CADPS: variants seen among roughly 807,000 people sequenced by gnomAD.
CADPS encodes the protein calcium dependent secretion activator.
A neutral mutation model predicts 167.3 loss-of-function variants in CADPS; 57 were observed. That is an observed-to-expected ratio of 0.34 (90% CI 0.28 to 0.42). The LOEUF is 0.42. CADPS is among the 20% of genes least tolerant of loss of function. The pLI is 1.00. For missense variants in CADPS, 1,414 were observed against 1,738.1 expected (o/e 0.81, Z 3.32); for synonymous variants, 676 against 635.3 (o/e 1.06, Z -0.96).
chr3:62,756,460 A>T (rs961878559), intron 2 of CADPS, among the ~76,000 whole-genome samples: 2 of 152,178 alleles, frequency 1.3e-5, no homozygotes, highest in Non-Finnish European at 2.9e-5. Context: ...CTTTTCCATG[A>T]ACCCATTCAT....
chr3:62,720,474 G>A (rs910942652), intron 3 of CADPS, among the ~76,000 whole-genome samples: 1 of 151,954 alleles, frequency 6.6e-6, no homozygotes, highest in Admixed American at 6.6e-5. Context: ...TAGGACTACA[G>A]ACATGCATGT....
chr3:62,781,207 A>T (rs184665518), intron 1 of CADPS, among the ~76,000 whole-genome samples: 1 of 152,110 alleles, frequency 6.6e-6, no homozygotes, highest in African/African-American at 2.4e-5. Flanking sequence ...AGACTCCACA[A>T]TCTCTCTCAG....
In CADPS at chr3:62,438,868, A is replaced by AAAG. The variant is rs1050469050; in HGVS notation, c.3670-660_3670-658dup. 4 of 152,034 alleles carry AAAG rather than the reference A, an allele frequency of 2.6e-5. No homozygotes were observed. The highest frequency in any genetic ancestry group is 2.1e-4 in the South Asian group (1 of 4,816). The allele number at this position is 152,034 out of a possible 1,614,324, so 9.4% of individuals were successfully genotyped here. On this transcript the variant is annotated intron_variant, in intron 27 of 29. Coordinates refer to ENST00000383710, the MANE Select transcript of CADPS (RefSeq NM_003716.4). This position sits in a 1 kb window ranked among gnomAD's most constrained non-coding sequence, Gnocchi z 4.7. Reference sequence around the variant, plus strand: ...TGCAGCCTTAAAGTCCAAGGATTAAAAAGAAGAAGAAGAAGAGAAGAAACA... The same window carrying AAAG: ...TGCAGCCTTAAAGTCCAAGGATTAAAAAGAAGAAGAAGAAGAAGAGAAGAAACA...
At chr3:62,795,518 G>C (rs544397636) in intron 1 of CADPS, among the ~76,000 whole-genome samples, 13 of 152,236 alleles carry the variant, frequency 8.5e-5, no homozygotes, top group Non-Finnish European at 1.5e-4. Flanking sequence ...TCTTCAGACC[G>C]TTCTTGTTTA....
In CADPS at chr3:62,852,227, C is replaced by T. The variant is rs939844683; in HGVS notation, c.441+22362G>A. Among the ~76,000 whole-genome samples the T allele has an allele frequency of 2.0e-5, 3 of 151,406 alleles. No individual in the cohort carries two copies. The South Asian group carries it at 6.3e-4, about 32-fold the overall frequency. On this transcript the variant is annotated intron_variant, in intron 1 of 29. Transcript: ENST00000383710. ...TCTTTGCCTTTGATTTGAATGTCCT[C>T]CCGTAGCTCAGAGTAATTTGATCGT...
At chr3:62,771,921 G>C (rs2088901645) in intron 1 of CADPS, among the ~76,000 whole-genome samples, 1 of 152,292 alleles carries the variant, frequency 6.6e-6, no homozygotes, top group African/African-American at 2.4e-5. Context: ...GGTCTCAGGA[G>C]AGGCAATGCT....
intron 13 of CADPS, among the ~76,000 whole-genome samples, chr3:62,521,704 A>G (rs2070641740): frequency 6.6e-6 from 1 of 152,192 alleles, no homozygotes; most frequent in Non-Finnish European, 1.5e-5. Flanking sequence ...CTGACTGTGA[A>G]TATTCTGGTC....
Position 62,558,668 on chromosome 3 carries a change from C to T in CADPS, c.1645-1155G>A, listed in dbSNP as rs75104463. 1.2e-4 allele frequency among the ~76,000 whole-genome samples: 18 copies of T among 152,174 alleles called. No individual in the cohort carries two copies. The East Asian group carries it at 2.3e-3, about 20-fold the overall frequency. ...TGCTACATGCATCTCCCGCACTGTC[C>T]GAGGCTTGAGGGTCCCAGTGGAGAG... On this transcript the variant is annotated intron_variant, in intron 9 of 29. Coordinates refer to ENST00000383710, the MANE Select transcript of CADPS (RefSeq NM_003716.4).
intron 2 of CADPS, among the ~76,000 whole-genome samples, chr3:62,760,332 C>A (rs1056671144): frequency 6.6e-6 from 1 of 152,136 alleles, no homozygotes; most frequent in African/African-American, 2.4e-5. Context: ...TCAGACATAG[C>A]TGAGGTCCCA....
chr3:62,667,581 C>A (rs1178633933), intron 3 of CADPS, among the ~76,000 whole-genome samples: 1 of 152,048 alleles, frequency 6.6e-6, no homozygotes, highest in Non-Finnish European at 1.5e-5. Context: ...GGAAAGGATT[C>A]TGTGATCAAA....
At position 62,602,983 on chromosome 3, in the gene CADPS, A is replaced by G. The variant is rs1443647627; in HGVS notation, c.1326-10235T>C. On this transcript the variant is annotated intron_variant, in intron 6 of 29. Coordinates refer to ENST00000383710, the MANE Select transcript of CADPS (RefSeq NM_003716.4). This position sits in a 1 kb window ranked among gnomAD's most constrained non-coding sequence, Gnocchi z 4.4. The stretch of plus-strand genomic sequence containing the variant: ...TTTTTGCTATGGAGAAAAAGAAAGC[A>G]GAAAATGGCATTTGGAAGTACCAGG... 1.3e-5 allele frequency among the ~76,000 whole-genome samples: 2 copies of G among 152,316 alleles called. No individual in the cohort carries two copies. Among genetic ancestry groups the G allele is most frequent in the South Asian group, 4.1e-4 (2 of 4,828 alleles).
intron 3 of CADPS, among the ~76,000 whole-genome samples, chr3:62,699,638 G>A (rs1313720410): frequency 2.0e-5 from 3 of 152,034 alleles, no homozygotes; most frequent in Admixed American, 6.6e-5. Context: ...GTGCCATCTT[G>A]GCTTACTACA....
intron 1 of CADPS, among the ~76,000 whole-genome samples, chr3:62,870,923 AAAG>A (rs1199413356): frequency 3.3e-5 from 5 of 152,154 alleles, no homozygotes; most frequent in African/African-American, 9.7e-5. Flanking sequence ...CATTCTGACA[AAAG>A]AAGAAGAAAA....
At chr3:62,811,397 C>A (rs115137417) in intron 1 of CADPS, among the ~76,000 whole-genome samples, 1 of 152,124 alleles carries the variant, frequency 6.6e-6, no homozygotes, top group Admixed American at 6.5e-5. Flanking sequence ...CTCTCAGAAG[C>A]ACACACCATC....
chr3:62,471,879 T>C (rs1274499596), intron 24 of CADPS, among the ~76,000 whole-genome samples: 5 of 152,136 alleles, frequency 3.3e-5, no homozygotes, highest in Non-Finnish European at 5.9e-5. Flanking sequence ...GCAAATCGTA[T>C]ATATGATAAT....
At position 62,557,415 on chromosome 3, in the gene CADPS, G is replaced by T. The variant is rs751971326; in HGVS notation, c.1743C>A (p.Asp581Glu). The T allele has an allele frequency of 6.2e-7, 1 of 1,613,128 alleles. No homozygotes were observed. The highest frequency in any genetic ancestry group is 8.5e-7 in the Non-Finnish European group (1 of 1,179,128). ...QLDGYTVDYTDPQPGLEGGRA... is the reference protein window; with the variant it reads ...QLDGYTVDYTEPQPGLEGGRA... ...AGGGTCGGTGGGTACCTGGCTGGGGGTCGGTGTAATCCACAGTGTAGCCAT... is the reference window on the plus strand; with the variant it reads ...AGGGTCGGTGGGTACCTGGCTGGGGTTCGGTGTAATCCACAGTGTAGCCAT... Residue 581 changes from aspartate to glutamate, a missense_variant, in exon 10 of 30, where the codon GAC becomes GAA. Asp to Glu is a conservative substitution (Grantham distance 45). Around this residue, in one of 6 missense-constraint regions of CADPS, gnomAD observed 157 missense variants for 229.4 expected, o/e 0.68. Coordinates refer to ENST00000383710, the MANE Select transcript of CADPS (RefSeq NM_003716.4).
At chr3:62,431,319 A>G (rs976300116) in intron 28 of CADPS, among the ~76,000 whole-genome samples, 1 of 152,098 alleles carries the variant, frequency 6.6e-6, no homozygotes, top group Non-Finnish European at 1.5e-5. Flanking sequence ...GCCTTATTCC[A>G]GTAGTTAAAA....
At chr3:62,610,833 G>A (rs961897326) in intron 6 of CADPS, among the ~76,000 whole-genome samples, 14 of 150,872 alleles carry the variant, frequency 9.3e-5, no homozygotes, top group African/African-American at 3.4e-4. Context: ...ACACTTAGCC[G>A]ACCTTAGGCC....
intron 21 of CADPS, among the ~76,000 whole-genome samples, chr3:62,486,298 A>G (rs1285198074): frequency 1.3e-5 from 2 of 152,076 alleles, no homozygotes; most frequent in African/African-American, 4.8e-5. Flanking sequence ...ACAAAAAATT[A>G]GCTGGGCGTG....
Sources: allele counts gnomAD v4.1 joint callset (sites outside exome capture counted in the v4.1 genomes callset), GRCh38; gene constraint gnomAD v4.1.1; regional missense constraint gnomAD v4.1.1; non-coding constraint Gnocchi (gnomAD v3.1); transcripts MANE v1.5; gene names NCBI Gene and HGNC (gene_info 2026-07-23, HGNC 2026-07-21).